The following POU2F3 variants were observed in gnomAD, a reference collection of about 807,000 sequenced individuals.
The protein encoded by POU2F3 is POU class 2 homeobox 3.
A neutral mutation model predicts 59.2 loss-of-function variants in POU2F3; 23 were observed. The observed-to-expected ratio is 0.39, with a 90% CI of 0.28 to 0.55. POU2F3 has a LOEUF of 0.55. POU2F3 is among the 20% of genes least tolerant of loss of function. The pLI, the probability that POU2F3 is intolerant of heterozygous loss-of-function variation, is 0.66. For synonymous variants in POU2F3, 190 were observed against 214.6 expected, an observed-to-expected ratio of 0.89 and a Z score of 1.00; for missense variants, 473 against 544.5, an observed-to-expected ratio of 0.87 and a Z score of 1.31.
At chr11:120,300,742 C>T (rs755815153) in intron 5 of POU2F3, among the ~76,000 whole-genome samples, 4 of 150,584 alleles carry the variant, frequency 2.7e-5, no homozygotes, top group East Asian at 1.9e-4. Flanking sequence ...CCAGCCTGGG[C>T]GACAGAGCAA....
intron 2 of POU2F3, among the ~76,000 whole-genome samples, chr11:120,249,026 G>A (rs1591373760): frequency 6.6e-6 from 1 of 152,316 alleles, no homozygotes; most frequent in African/African-American, 2.4e-5. Flanking sequence ...GGTACTGGGG[G>A]GTAAGAACTG....
At chr11:120,288,344 G>A (rs529144174) in intron 3 of POU2F3, among the ~76,000 whole-genome samples, 12 of 152,208 alleles carry the variant, frequency 7.9e-5, no homozygotes, top group East Asian at 3.9e-4. Flanking sequence ...ATCTCTATTC[G>A]AAAAGAAACC....
In POU2F3 at chr11:120,298,356, A is replaced by G. The variant is rs1224879467; in HGVS notation, c.224A>G (p.Asn75Ser). 1.6e-5 allele frequency: 26 copies of G among 1,613,746 alleles called. No individual in the cohort carries two copies. Among genetic ancestry groups the G allele is most frequent in the Non-Finnish European group, 2.2e-5 (26 of 1,179,910 alleles). Reference protein sequence around the residue: ...LSQGPAMMSGNQMSGLNASPC... With the variant: ...LSQGPAMMSGSQMSGLNASPC... The stretch of plus-strand genomic sequence containing the variant: ...CAAGGACCTGCCATGATGTCCGGAA[A>G]CCAAATGTCTGGGCTAAATGCCAGC... The change falls in exon 4 of 13, where the codon AAC (asparagine) becomes AGC (serine). Residue 75 changes from asparagine (N) to serine (S), a missense_variant. Transcript: ENST00000543440.
chr11:120,255,791 G>C (rs2135154577), intron 2 of POU2F3, among the ~76,000 whole-genome samples: 1 of 152,254 alleles, frequency 6.6e-6, no homozygotes, highest in Non-Finnish European at 1.5e-5. Flanking sequence ...GCTCCATTTA[G>C]CCCCTCAGTG....
chr11:120,302,499 C>T, intron 6 of POU2F3, 131 bp downstream of exon 6: 1 of 794,714 alleles, frequency 1.3e-6, no homozygotes. Flanking sequence ...AGGGAACTAT[C>T]CATTGGCACA....
intron 2 of POU2F3, among the ~76,000 whole-genome samples, chr11:120,267,312 A>T (rs1367778920): frequency 2.0e-5 from 3 of 152,066 alleles, no homozygotes; most frequent in Non-Finnish European, 4.4e-5. Flanking sequence ...TATTTTTAGT[A>T]GAGGTGGGGT....
At chr11:120,296,976 C>T (rs902756668) in intron 3 of POU2F3, among the ~76,000 whole-genome samples, 3 of 152,186 alleles carry the variant, frequency 2.0e-5, no homozygotes, top group Admixed American at 6.5e-5. Context: ...GAACTTTTAA[C>T]TTAGGTTAAA....
intron 12 of POU2F3, among the ~76,000 whole-genome samples, chr11:120,317,709 G>T (rs1941824990): frequency 7.4e-6 from 1 of 134,762 alleles, no homozygotes; most frequent in Non-Finnish European, 1.7e-5. Flanking sequence ...AGGTTCTGAT[G>T]TGAGCCCAGA....
chr11:120,239,280 GGA>G (rs1176843861), upstream of POU2F3, among the ~76,000 whole-genome samples: 1 of 152,216 alleles, frequency 6.6e-6, no homozygotes, highest in Admixed American at 6.5e-5. Context: ...CCACTTACTG[GGA>G]CTTGAAGAGA....
chr11:120,236,998 CTA>C (rs763099902), upstream of POU2F3, among the ~76,000 whole-genome samples: 3 of 152,158 alleles, frequency 2.0e-5, no homozygotes, highest in Non-Finnish European at 2.9e-5. Context: ...TAGGTTCTTT[CTA>C]CCTCGTTATC....
At chr11:120,304,943 A>G (rs1186349925) in intron 6 of POU2F3, 87 bp from the exon 7 acceptor site, 1 of 88,706 alleles carries the variant, frequency 1.1e-5, no homozygotes, top group Non-Finnish European at 1.4e-5. Context: ...GCCTATTAGT[A>G]AAAAAAAAAA....
intron 2 of POU2F3, among the ~76,000 whole-genome samples, chr11:120,259,678 G>C (rs1438719745): frequency 3.3e-5 from 5 of 152,170 alleles, no homozygotes; most frequent in African/African-American, 1.2e-4. Flanking sequence ...GGCAGGAATG[G>C]AGACAGCAAC....
intron 9 of POU2F3, among the ~76,000 whole-genome samples, chr11:120,308,803 T>G (rs1941568559): frequency 6.6e-6 from 1 of 150,610 alleles, no homozygotes; most frequent in African/African-American, 2.4e-5. Flanking sequence ...CTGGGCGTGG[T>G]GATGTATGCC....
chr11:120,298,841 A>G (rs17311240), intron 4 of POU2F3, among the ~76,000 whole-genome samples: 2,246 of 152,326 alleles, frequency 0.015, 33 homozygotes, highest in Non-Finnish European at 0.02. Context: ...GAGGGCGTTC[A>G]CATGACGAGA....
At chr11:120,241,984 C>G (rs1214366597) in intron 1 of POU2F3, among the ~76,000 whole-genome samples, 2 of 152,168 alleles carry the variant, frequency 1.3e-5, no homozygotes, top group Non-Finnish European at 2.9e-5. Flanking sequence ...TCCACCCTGT[C>G]CCTGTGAGCA....
At chr11:120,244,590 G>A (rs1938795309) in intron 1 of POU2F3, among the ~76,000 whole-genome samples, 1 of 152,178 alleles carries the variant, frequency 6.6e-6, no homozygotes, top group African/African-American at 2.4e-5. Flanking sequence ...TGGTGCTGAT[G>A]AAGCAAATTG....
intron 4 of POU2F3, among the ~76,000 whole-genome samples, chr11:120,298,806 T>C (rs952560672): frequency 5.3e-5 from 8 of 152,178 alleles, no homozygotes; most frequent in Non-Finnish European, 8.8e-5. Flanking sequence ...AAGAGGCGTC[T>C]GAGATAGTAA....
intron 3 of POU2F3, among the ~76,000 whole-genome samples, chr11:120,284,160 C>A (rs1236909701): frequency 3.4e-5 from 5 of 146,114 alleles, no homozygotes; most frequent in Admixed American, 3.3e-4. Context: ...GTCTGGGTGA[C>A]AAGAGCAAGA....
chr11:120,238,152 A>C (rs1262404046), upstream of POU2F3, among the ~76,000 whole-genome samples: 1 of 152,180 alleles, frequency 6.6e-6, no homozygotes, highest in Non-Finnish European at 1.5e-5. Context: ...AGGCAGGAGA[A>C]TCGCTTGAAC....
Sources: gnomAD v4.1 joint callset for allele counts (sites outside exome capture counted in the v4.1 genomes callset) on GRCh38, gnomAD v4.1.1 for gene constraint, MANE v1.5 for transcripts, NCBI Gene and HGNC (gene_info 2026-07-23, HGNC 2026-07-21) for gene names.